NUDT9: variants seen among roughly 807,000 people sequenced by gnomAD.
NUDT9 encodes nudix hydrolase 9.
A neutral mutation model predicts 41.0 loss-of-function variants in NUDT9; 31 were observed. The observed-to-expected ratio is 0.76, with a 90% confidence interval of 0.57 to 1.02. The LOEUF (loss-of-function observed/expected upper bound fraction) is 1.02. NUDT9 is among the 50% of genes least tolerant of loss of function. The pLI is 0.00. For synonymous variants in NUDT9, 146 were observed against 147.6 expected (o/e 0.99, Z 0.08); for missense variants, 380 against 431.4 (o/e 0.88, Z 1.06).
At chr4:87,438,464 T>C (rs990390746) in intron 3 of NUDT9, 92 bp downstream of exon 3, 9 of 674,318 alleles carry the variant, frequency 1.3e-5, no homozygotes, top group Non-Finnish European at 2.4e-5. Context: ...ATGTGCCAGA[T>C]GTTGTACAAA....
chr4:87,451,476 G>A (rs1722705224), intron 5 of NUDT9, 113 bp from the exon 6 acceptor site: 6 of 779,346 alleles, frequency 7.7e-6, no homozygotes, highest in Admixed American at 2.7e-5. Context: ...GAGAAATGGG[G>A]ATCACTATTA....
Position 87,435,130 on chromosome 4 carries a change from GC to G in NUDT9, c.258del (p.Trp87GlyfsTer89). 1 of 1,614,196 alleles carries G rather than the reference GC, an allele frequency of 6.2e-7. No individual in the cohort carries two copies. Among genetic ancestry groups the G allele is most frequent in the Non-Finnish European group, 8.5e-7 (1 of 1,180,034 alleles). On this transcript the variant is annotated frameshift_variant, in exon 2 of 8. Transcript: ENST00000302174. LOFTEE classifies it high-confidence loss of function. ...ERSQVPNEKV[G>X]WLVEWQDYKP... ...AGCCAGGTTCCTAATGAGAAAGTGG[GC>G]TGGCTTGTTGAGTGGCAAGACTATA...
intron 1 of NUDT9, among the ~76,000 whole-genome samples, chr4:87,432,436 A>T (rs558310081): frequency 6.6e-6 from 1 of 151,524 alleles, no homozygotes; most frequent in South Asian, 2.1e-4. Context: ...GGGATGCTCA[A>T]CCAGTTTTAC....
At chr4:87,457,676 C>CT (rs1723047747) in intron 7 of NUDT9, among the ~76,000 whole-genome samples, 167 bp from the exon 8 acceptor site, 1 of 151,570 alleles carries the variant, frequency 6.6e-6, no homozygotes. Flanking sequence ...AGTTTTTTTT[C>CT]TTTTATTCAT....
At chr4:87,423,890 C>T (rs904663249) in intron 1 of NUDT9, among the ~76,000 whole-genome samples, 1 of 152,174 alleles carries the variant, frequency 6.6e-6, no homozygotes, top group Non-Finnish European at 1.5e-5. Context: ...GATGGGTAGA[C>T]TGGGAACCTG....
intron 1 of NUDT9, among the ~76,000 whole-genome samples, chr4:87,428,702 A>AT (rs1314257689): frequency 6.6e-6 from 1 of 151,830 alleles, no homozygotes; most frequent in Non-Finnish European, 1.5e-5. Context: ...AGTTGGATGA[A>AT]TTGGGGTAGC....
chr4:87,458,215 T>G lies in NUDT9; in HGVS notation c.*194T>G. 1 of 426,118 alleles carries G rather than the reference T, an allele frequency of 2.3e-6. No homozygotes were observed. The highest frequency in any genetic ancestry group is 4.0e-6 in the Non-Finnish European group (1 of 247,516). The allele number at this position is 426,118 out of a possible 1,614,324, so 26.4% of individuals were successfully genotyped here. On this transcript the variant is annotated 3_prime_UTR_variant, in exon 8 of 8. Transcript: ENST00000302174. ...AACTGGAACACAAAATTTTCAGCTC[T>G]TTGGTCAAAAGGAATATAAGTAATC...
At chr4:87,427,558 A>C (rs1721488564) in intron 1 of NUDT9, among the ~76,000 whole-genome samples, 1 of 152,242 alleles carries the variant, frequency 6.6e-6, no homozygotes, top group African/African-American at 2.4e-5. Context: ...GAATTTTTGC[A>C]CAATTAAATT....
chr4:87,436,721 T>C (rs932174349), intron 2 of NUDT9, among the ~76,000 whole-genome samples: 3 of 152,202 alleles, frequency 2.0e-5, no homozygotes, highest in African/African-American at 7.2e-5. Flanking sequence ...AGATGGCAGA[T>C]TGGCTAGAAG....
At chr4:87,432,165 CG>C (rs1443114012) in intron 1 of NUDT9, among the ~76,000 whole-genome samples, 1 of 152,044 alleles carries the variant, frequency 6.6e-6, no homozygotes, top group East Asian at 1.9e-4. Flanking sequence ...GAGACCAGAG[CG>C]GTTTGGATTT....
intron 6 of NUDT9, 73 bp downstream of exon 6, chr4:87,451,808 A>T: frequency 6.3e-6 from 8 of 1,279,222 alleles, no homozygotes; most frequent in Non-Finnish European, 8.8e-6. Context: ...TGACCTGGAA[A>T]TCTGTATGTC....
intron 3 of NUDT9, among the ~76,000 whole-genome samples, chr4:87,439,568 A>G (rs1045506121): frequency 6.6e-6 from 1 of 152,024 alleles, no homozygotes; most frequent in Non-Finnish European, 1.5e-5. Context: ...AGGCAGGAGA[A>G]TCGCTTGAAC....
At chr4:87,452,205 G>A (rs1297865999) in intron 6 of NUDT9, among the ~76,000 whole-genome samples, 1 of 152,172 alleles carries the variant, frequency 6.6e-6, no homozygotes, top group East Asian at 1.9e-4. Flanking sequence ...GTTTCACCAT[G>A]TTGGCCAGGC....
chr4:87,439,722 T>C (rs1722116207), intron 3 of NUDT9, among the ~76,000 whole-genome samples: 1 of 152,168 alleles, frequency 6.6e-6, no homozygotes, highest in Non-Finnish European at 1.5e-5. Context: ...GAGAACAGCA[T>C]GGAGAAACCG....
chr4:87,447,967 G>A (rs1722533769), intron 4 of NUDT9, among the ~76,000 whole-genome samples: 1 of 151,052 alleles, frequency 6.6e-6, no homozygotes, highest in African/African-American at 2.4e-5. Flanking sequence ...AGGAGTTTAA[G>A]GTTACAGTGA....
Position 87,458,738 on chromosome 4 carries a change from A to G in NUDT9, c.*717A>G, listed in dbSNP as rs550041745. 123 of 152,338 alleles carry G rather than the reference A, an allele frequency of 8.1e-4. No homozygotes were observed. The highest frequency in any genetic ancestry group is 2.6e-3 in the African/African-American group (107 of 41,586). 9.4% of individuals were successfully genotyped at this position (152,338 alleles called of 1,614,324 possible). On this transcript the variant is annotated 3_prime_UTR_variant, in exon 8 of 8. Transcript: ENST00000302174. ...TTCATTTCACTCTAGTGAAACTACT[A>G]TATGTTGTAAATTAGTTAAAAATGG...
At chr4:87,428,894 C>T (rs776093917) in intron 1 of NUDT9, among the ~76,000 whole-genome samples, 1 of 152,142 alleles carries the variant, frequency 6.6e-6, no homozygotes, top group South Asian at 2.1e-4. Flanking sequence ...CCTACATTGA[C>T]GCTTCATCAC....
chr4:87,441,971 C>T, intron 4 of NUDT9, 56 bp downstream of exon 4: 2 of 1,225,636 alleles, frequency 1.6e-6, no homozygotes, highest in Non-Finnish European at 2.3e-6. Context: ...AGAAAAATTG[C>T]AGACTGTAGC....
At chr4:87,450,423 C>T (rs529103891) in intron 5 of NUDT9, among the ~76,000 whole-genome samples, 14 of 141,980 alleles carry the variant, frequency 9.9e-5, no homozygotes, top group South Asian at 6.8e-4. Context: ...CTCTGTTGCC[C>T]GGCTGGAGTG....
Sources: allele counts gnomAD v4.1 joint callset (sites outside exome capture counted in the v4.1 genomes callset), GRCh38; gene constraint gnomAD v4.1.1; transcripts MANE v1.5; gene names NCBI Gene and HGNC (gene_info 2026-07-23, HGNC 2026-07-21).